ROBO2: variants seen among roughly 807,000 people sequenced by gnomAD.
ROBO2 encodes the protein roundabout guidance receptor 2, also known as roundabout homolog 2.
Under a neutral mutation model 160.8 loss-of-function variants are expected in ROBO2, and 53 were observed. The ratio of observed to expected loss-of-function variants is 0.33; its 90% CI spans 0.26 to 0.41. ROBO2 has a LOEUF of 0.41. ROBO2 is among the 10% of genes least tolerant of loss of function. ROBO2 has a pLI of 1.00. For synonymous variants in ROBO2, 664 were observed against 611.7 expected (o/e 1.09, Z -1.26); for missense variants, 1,577 against 1,722.4 (o/e 0.92, Z 1.49).
intron 2 of ROBO2, among the ~76,000 whole-genome samples, chr3:76,392,221 T>C (rs1360752001): frequency 2.0e-5 from 3 of 152,200 alleles, no homozygotes; most frequent in African/African-American, 7.2e-5. Context: ...GGCTAAATTA[T>C]TGCAATGACT....
At chr3:76,525,283 A>G (rs769677536) in intron 2 of ROBO2, among the ~76,000 whole-genome samples, 7 of 151,848 alleles carry the variant, frequency 4.6e-5, no homozygotes, top group South Asian at 2.1e-4. Context: ...TTGGCTTTCA[A>G]TTTTTCCATA....
chr3:77,602,176 A>T, intron 19 of ROBO2, 34 bp from the exon 21 acceptor site: 3 of 1,613,252 alleles, frequency 1.9e-6, no homozygotes, highest in Non-Finnish European at 2.5e-6. Context: ...CCGGTGCCTC[A>T]TTAAATTGTT....
intron 2 of ROBO2, among the ~76,000 whole-genome samples, chr3:77,208,788 G>A (rs893437047): frequency 2.6e-5 from 4 of 152,152 alleles, no homozygotes; most frequent in Non-Finnish European, 4.4e-5. Flanking sequence ...AAACCGATAT[G>A]GTTGGTCATA....
chr3:76,810,160 A>C (rs1385427527), intron 2 of ROBO2, among the ~76,000 whole-genome samples: 2 of 152,118 alleles, frequency 1.3e-5, no homozygotes, highest in Non-Finnish European at 2.9e-5. Flanking sequence ...TATGGAGAAA[A>C]TGACCAGTGT....
intron 2 of ROBO2, among the ~76,000 whole-genome samples, chr3:76,154,513 A>G (rs890726750): frequency 1.3e-5 from 2 of 152,138 alleles, no homozygotes; most frequent in Admixed American, 1.3e-4. Flanking sequence ...GATTTGAGAG[A>G]AGATTCTCAT....
chr3:76,585,341 A>C (rs373650263), intron 2 of ROBO2, among the ~76,000 whole-genome samples: 21 of 152,320 alleles, frequency 1.4e-4, no homozygotes, highest in East Asian at 1.3e-3. Context: ...AACATGAAAA[A>C]TATTGATTTC....
intron 21 of ROBO2, among the ~76,000 whole-genome samples, chr3:77,616,667 G>A (rs2094785305): frequency 6.6e-6 from 1 of 152,020 alleles, no homozygotes; most frequent in South Asian, 2.1e-4. Context: ...GTGTTTAAAA[G>A]GATGTTATAA....
At chr3:76,364,121 T>C (rs961930531) in intron 2 of ROBO2, among the ~76,000 whole-genome samples, 1 of 152,108 alleles carries the variant, frequency 6.6e-6, no homozygotes, top group African/African-American at 2.4e-5. Flanking sequence ...CCAGCTTTCT[T>C]CATGCCTGAA....
chr3:77,369,644 C>T (rs1280223841), intron 2 of ROBO2, among the ~76,000 whole-genome samples: 1 of 152,120 alleles, frequency 6.6e-6, no homozygotes, highest in Non-Finnish European at 1.5e-5. Context: ...ATAATTTGTG[C>T]TCCCAATTAA....
chr3:77,473,225 T>G (rs1012103826), intron 2 of ROBO2, among the ~76,000 whole-genome samples: 1 of 151,934 alleles, frequency 6.6e-6, no homozygotes, highest in African/African-American at 2.4e-5. Flanking sequence ...ATTATGCGGA[T>G]GAGTTCTGTA....
At chr3:76,260,706 A>G (rs1047202964) in intron 2 of ROBO2, among the ~76,000 whole-genome samples, 21 of 152,280 alleles carry the variant, frequency 1.4e-4, no homozygotes, top group African/African-American at 4.8e-4. Context: ...TAATGAATGA[A>G]CCAGTAAGAG....
chr3:76,665,127 C>T (rs2091969986), intron 2 of ROBO2, among the ~76,000 whole-genome samples: 1 of 152,096 alleles, frequency 6.6e-6, no homozygotes, highest in Admixed American at 6.5e-5. Context: ...AAACTACTCT[C>T]TCTTTCCCCT....
At chr3:77,426,729 G>A (rs142324490) in intron 2 of ROBO2, among the ~76,000 whole-genome samples, 1 of 147,222 alleles carries the variant, frequency 6.8e-6, no homozygotes, top group African/African-American at 2.5e-5. Flanking sequence ...AGGAAGGAAG[G>A]AAGGAAAGTT....
At chr3:76,688,307 C>A (rs113622829) in intron 2 of ROBO2, among the ~76,000 whole-genome samples, 2 of 151,718 alleles carry the variant, frequency 1.3e-5, no homozygotes, top group Non-Finnish European at 2.9e-5. Context: ...GAATTTATTA[C>A]GAATACAAAC....
At chr3:76,795,615 CT>C (rs1195404190) in intron 2 of ROBO2, among the ~76,000 whole-genome samples, 1 of 152,082 alleles carries the variant, frequency 6.6e-6, no homozygotes, top group Non-Finnish European at 1.5e-5. Flanking sequence ...CTGTAGTTCT[CT>C]TGCTATTTCC....
At chr3:76,934,118 C>T (rs919286534) in intron 2 of ROBO2, among the ~76,000 whole-genome samples, 40 of 151,824 alleles carry the variant, frequency 2.6e-4, no homozygotes, top group Middle Eastern at 6.8e-3. Context: ...GGACATCTGA[C>T]AGCTTCATTG....
rs576776608 is a variant in ROBO2 at position 77,297,277 on chromosome 3, G to A, written c.389-180137G>A. 3.3e-5 allele frequency among the ~76,000 whole-genome samples: 5 copies of A among 152,172 alleles called. No individual in the cohort carries two copies. The East Asian group carries it at 9.7e-4, about 29-fold the overall frequency. On this transcript the variant is annotated intron_variant, in intron 2 of 25. Transcript: ENST00000461745. ...TAGTCAATTTACGAGTGATAGTTAA[G>A]CATAATTTTTGAGGTTCCTTAGGTG...
intron 2 of ROBO2, among the ~76,000 whole-genome samples, chr3:76,393,961 T>G (rs555944670): frequency 1.3e-5 from 2 of 152,206 alleles, no homozygotes; most frequent in African/African-American, 4.8e-5. Flanking sequence ...AATAAAAAAT[T>G]CGTTTTCCAT....
At chr3:76,477,103 A>G (rs918694228) in intron 2 of ROBO2, among the ~76,000 whole-genome samples, 1 of 152,156 alleles carries the variant, frequency 6.6e-6, no homozygotes, top group Non-Finnish European at 1.5e-5. Context: ...GTGTCTATGA[A>G]AATAAACCAC....
Sources: gnomAD v4.1 joint callset for allele counts (sites outside exome capture counted in the v4.1 genomes callset) on GRCh38, gnomAD v4.1.1 for gene constraint, MANE v1.5 for transcripts, NCBI Gene and HGNC (gene_info 2026-07-23, HGNC 2026-07-21) for gene names.